LHFPL3: variants seen among roughly 807,000 people sequenced by gnomAD.
LHFPL3 encodes LHFPL tetraspan subfamily member 3.
A neutral mutation model predicts 19.3 loss-of-function variants in LHFPL3; 5 were observed. The observed-to-expected ratio is 0.26, with a 90% CI of 0.14 to 0.54. The LOEUF is 0.54. Ranked by LOEUF, LHFPL3 falls within the 20% of genes least tolerant of loss-of-function variation. LHFPL3 has a pLI of 0.94. For missense variants in LHFPL3, 249 were observed against 307.4 expected (o/e 0.81, Z 1.42); for synonymous variants, 133 against 126.2 (o/e 1.05, Z -0.36).
At chr7:104,389,324 A>T (rs1277401066) in intron 1 of LHFPL3, among the ~76,000 whole-genome samples, 3 of 152,182 alleles carry the variant, frequency 2.0e-5, no homozygotes, top group African/African-American at 7.2e-5. Context: ...TGAAAAGTAC[A>T]CAACTTGCAG....
chr7:104,766,257 T>C (rs1404268591), intron 2 of LHFPL3, among the ~76,000 whole-genome samples: 1 of 152,164 alleles, frequency 6.6e-6, no homozygotes, highest in Non-Finnish European at 1.5e-5. Flanking sequence ...AACTAAATCG[T>C]ATTGACTTGA....
intron 1 of LHFPL3, among the ~76,000 whole-genome samples, chr7:104,715,822 G>A (rs937902850): frequency 7.9e-5 from 12 of 152,122 alleles, no homozygotes; most frequent in South Asian, 2.1e-4. Context: ...TTTTGCATCC[G>A]TACTTATCAG....
chr7:104,886,731 C>T (rs969248201), intron 2 of LHFPL3, among the ~76,000 whole-genome samples: 1 of 152,218 alleles, frequency 6.6e-6, no homozygotes, highest in Non-Finnish European at 1.5e-5. Context: ...TATACATTCA[C>T]ATTTACCAAA....
chr7:104,865,449 T>G (rs1412694266), intron 2 of LHFPL3, among the ~76,000 whole-genome samples: 3 of 152,192 alleles, frequency 2.0e-5, no homozygotes, highest in East Asian at 3.8e-4. Context: ...AGTAGCCGAT[T>G]CGATCAACTG....
chr7:104,844,006 AG>A (rs1791265992), intron 2 of LHFPL3, among the ~76,000 whole-genome samples: 3 of 152,238 alleles, frequency 2.0e-5, no homozygotes, highest in Non-Finnish European at 4.4e-5. Flanking sequence ...CCAGGGACTC[AG>A]AGCATGGTCA....
rs537435340 is a variant in LHFPL3, at chr7:104,874,409, G to T, written c.683-31778G>T. Among the ~76,000 whole-genome samples, 497 of 145,828 alleles carry T rather than the reference G, an allele frequency of 3.4e-3. 9 individuals carry two copies. In the East Asian group the frequency reaches 0.043, roughly 13 times the overall value. On this transcript the variant is annotated intron_variant, in intron 2 of 2. Coordinates refer to ENST00000424859, the MANE Select transcript of LHFPL3 (RefSeq NM_199000.3). ...GGAATGCTTTTTTTTTTTTTTTTGG[G>T]GGGGGGACAGAGTCTCGTTCTGTCA...
chr7:104,468,066 T>G (rs1259583777), intron 1 of LHFPL3, among the ~76,000 whole-genome samples: 1 of 152,222 alleles, frequency 6.6e-6, no homozygotes, highest in Non-Finnish European at 1.5e-5. Context: ...TGGATGCTTA[T>G]AAAATCACTG....
At chr7:104,702,814 CT>C (rs1278037735) in intron 1 of LHFPL3, among the ~76,000 whole-genome samples, 2 of 152,178 alleles carry the variant, frequency 1.3e-5, no homozygotes, top group Non-Finnish European at 2.9e-5. Context: ...ATCCCTCTTT[CT>C]CCCTGGCGCC....
intron 1 of LHFPL3, among the ~76,000 whole-genome samples, chr7:104,460,035 A>T (rs1018295843): frequency 6.6e-6 from 1 of 151,918 alleles, no homozygotes; most frequent in African/African-American, 2.4e-5. Flanking sequence ...GTAGGCCCCA[A>T]TGTCTGTTGT....
At chr7:104,637,790 A>G (rs1791755436) in intron 1 of LHFPL3, among the ~76,000 whole-genome samples, 1 of 130,542 alleles carries the variant, frequency 7.7e-6, no homozygotes, top group South Asian at 2.5e-4. Context: ...GTAGCCCTTT[A>G]GTATAGTTTG....
chr7:104,788,874 C>A (rs1789970774), intron 2 of LHFPL3, among the ~76,000 whole-genome samples: 1 of 152,136 alleles, frequency 6.6e-6, no homozygotes, highest in Admixed American at 6.5e-5. Flanking sequence ...GAGTTGTGGT[C>A]TAAAGTCAGT....
chr7:104,628,195 C>T (rs1159327387), intron 1 of LHFPL3, among the ~76,000 whole-genome samples: 3 of 152,138 alleles, frequency 2.0e-5, no homozygotes, highest in African/African-American at 7.2e-5. Flanking sequence ...TCCTGCTCTA[C>T]ATCAGTGCTG....
At chr7:104,709,190 TTTA>T (rs1379861341) in intron 1 of LHFPL3, among the ~76,000 whole-genome samples, 1 of 151,932 alleles carries the variant, frequency 6.6e-6, no homozygotes, top group African/African-American at 2.4e-5. Flanking sequence ...CTATCATAAT[TTTA>T]TTATCCACAA....
intron 2 of LHFPL3, among the ~76,000 whole-genome samples, chr7:104,849,314 G>A (rs1791370931): frequency 6.6e-6 from 1 of 152,222 alleles, no homozygotes; most frequent in Non-Finnish European, 1.5e-5. Flanking sequence ...AGGCCTTCAT[G>A]TCTTGCCATA....
chr7:104,468,695 G>A (rs1456260059), intron 1 of LHFPL3, among the ~76,000 whole-genome samples: 6 of 141,692 alleles, frequency 4.2e-5, no homozygotes, highest in South Asian at 2.2e-4. Flanking sequence ...GTCTTGCTCC[G>A]TCATCCAGGC....
At chr7:104,602,020 C>CTTTTTTTTTTTTTTTTT (rs57501560) in intron 1 of LHFPL3, among the ~76,000 whole-genome samples, 20 of 91,456 alleles carry the variant, frequency 2.2e-4, no homozygotes, top group Admixed American at 5.2e-4. Context: ...TTTTTCTTTT[C>CTTTTTTTTTTTTTTTTT]TTTTTTTTTT....
chr7:104,521,513 G>A (rs1011754732), intron 1 of LHFPL3, among the ~76,000 whole-genome samples: 15 of 152,022 alleles, frequency 9.9e-5, no homozygotes, highest in Non-Finnish European at 2.1e-4. Context: ...AAAAGCAATG[G>A]CAACAAAAGA....
chr7:104,750,020 C>G (rs954453247), intron 2 of LHFPL3, among the ~76,000 whole-genome samples: 5 of 152,052 alleles, frequency 3.3e-5, no homozygotes, highest in Non-Finnish European at 2.9e-5. Flanking sequence ...TATAATGGAG[C>G]GGGCATGGTG....
intron 2 of LHFPL3, among the ~76,000 whole-genome samples, chr7:104,779,528 T>C (rs550875743): frequency 2.6e-4 from 40 of 152,244 alleles, no homozygotes; most frequent in South Asian, 4.1e-4. Context: ...AGTGGTCAAG[T>C]CTGTGGCTGG....
Sources: gnomAD v4.1 joint callset for allele counts (sites outside exome capture counted in the v4.1 genomes callset) on GRCh38, gnomAD v4.1.1 for gene constraint, MANE v1.5 for transcripts, NCBI Gene and HGNC (gene_info 2026-07-23, HGNC 2026-07-21) for gene names.